The following RCOR1 variants were observed in gnomAD, a reference collection of about 807,000 sequenced individuals.
RCOR1 encodes REST corepressor 1.
A neutral mutation model predicts 64.0 loss-of-function variants in RCOR1; 12 were observed. That is an observed-to-expected ratio of 0.19 (90% CI 0.12 to 0.30). The LOEUF is 0.30. Among genes scored for constraint, RCOR1 ranks in the 10% least tolerant of loss-of-function variants. RCOR1 has a pLI of 1.00. For missense variants in RCOR1, 502 were observed against 621.2 expected, an observed-to-expected ratio of 0.81 and a Z score of 2.04; for synonymous variants, 279 against 227.2, an observed-to-expected ratio of 1.23 and a Z score of -2.05.
intron 2 of RCOR1, among the ~76,000 whole-genome samples, chr14:102,622,923 C>A (rs946340459): frequency 1.3e-5 from 2 of 152,132 alleles, no homozygotes; most frequent in Admixed American, 1.3e-4. Flanking sequence ...TGATGGAGTT[C>A]CCCTCTTTAA....
rs764026056 is a variant in RCOR1 at position 102,729,806 on chromosome 14, C to T, written c.*3300C>T. 1.1e-4 allele frequency: 43 copies of T among 398,892 alleles called. No homozygotes were observed. The highest frequency in any genetic ancestry group is 1.8e-4 in the Non-Finnish European group (41 of 226,070). 24.7% of individuals were successfully genotyped at this position (398,892 alleles called of 1,614,324 possible). On this transcript the variant is annotated 3_prime_UTR_variant, in exon 12 of 12. Coordinates refer to ENST00000262241, the MANE Select transcript of RCOR1 (RefSeq NM_015156.4). ...AACAGTGCATTACGCTAACTGGATC[C>T]CTGCTTTTATGTGAGCTAAGGAAAG...
intron 2 of RCOR1, among the ~76,000 whole-genome samples, chr14:102,681,674 C>T (rs1407846989): frequency 6.6e-6 from 1 of 152,174 alleles, no homozygotes; most frequent in Non-Finnish European, 1.5e-5. Context: ...AGCAGAGCAG[C>T]ATACTGTAAA....
At chr14:102,624,786 A>C (rs552256008) in intron 2 of RCOR1, among the ~76,000 whole-genome samples, 4 of 152,000 alleles carry the variant, frequency 2.6e-5, no homozygotes, top group African/African-American at 9.6e-5. Flanking sequence ...AAAAAAAAAA[A>C]GCATTACTTA....
In RCOR1 at chr14:102,593,310, C is replaced by A; in HGVS notation, c.346C>A (p.Pro116Thr). 1.3e-6 allele frequency: 2 copies of A among 1,547,412 alleles called. No homozygotes were observed. Among genetic ancestry groups the A allele is most frequent in the Middle Eastern group, 2.3e-4 (1 of 4,390 alleles). The change falls in exon 2 of 12, where the codon CCC (proline) becomes ACC (threonine). Residue 116 changes from proline to threonine, a missense_variant. Transcript: ENST00000262241. Reference protein sequence around the residue: ...RVGPQYQAVVPDFDPAKLARR... With the variant: ...RVGPQYQAVVTDFDPAKLARR... ...CGGACCCCAGTACCAGGCGGTGGTG[C>A]CCGACTTCGACCCCGGTGAGTAGCG...
chr14:102,623,688 G>A (rs1474750591), intron 2 of RCOR1, among the ~76,000 whole-genome samples: 2 of 151,698 alleles, frequency 1.3e-5, no homozygotes, highest in African/African-American at 4.8e-5. Context: ...GATTACAGGC[G>A]TGAGCCACAG....
chr14:102,722,459 G>C (rs781318980), intron 11 of RCOR1, 43 bp downstream of exon 11: 2 of 1,482,924 alleles, frequency 1.3e-6, no homozygotes, highest in African/African-American at 1.4e-5. Context: ...TCAGGTTCAC[G>C]CTTGATACTC....
chr14:102,712,323 T>C (rs142840472), intron 7 of RCOR1, among the ~76,000 whole-genome samples: 3,093 of 151,664 alleles, frequency 0.02, 47 homozygotes, highest in Middle Eastern at 0.032. Flanking sequence ...GCTGGGATTA[T>C]AGGCACATGC....
At chr14:102,712,822 A>G (rs1333460091) in intron 7 of RCOR1, among the ~76,000 whole-genome samples, 1 of 151,260 alleles carries the variant, frequency 6.6e-6, no homozygotes, top group Non-Finnish European at 1.5e-5. Flanking sequence ...CTTTGTGTTG[A>G]TGTATTGCTA....
intron 2 of RCOR1, among the ~76,000 whole-genome samples, chr14:102,658,270 G>A (rs1186799678): frequency 6.6e-6 from 1 of 152,016 alleles, no homozygotes; most frequent in Non-Finnish European, 1.5e-5. Flanking sequence ...CCACTGTGCT[G>A]GGCCTTCTTT....
At chr14:102,639,013 T>C (rs1197602295) in intron 2 of RCOR1, among the ~76,000 whole-genome samples, 2 of 152,302 alleles carry the variant, frequency 1.3e-5, no homozygotes, top group East Asian at 3.9e-4. Context: ...GGGATTTTTT[T>C]CCTAATTTGT....
At position 102,729,979 on chromosome 14, in the gene RCOR1, G is replaced by C; in HGVS notation, c.*3473G>C. 1 of 399,028 alleles carries C rather than the reference G, an allele frequency of 2.5e-6. No homozygotes were observed. Among genetic ancestry groups the C allele is most frequent in the Non-Finnish European group, 4.4e-6 (1 of 226,046 alleles). The allele number at this position is 399,028 out of a possible 1,614,324, so 24.7% of individuals were successfully genotyped here. On this transcript the variant is annotated 3_prime_UTR_variant, in exon 12 of 12. Coordinates refer to ENST00000262241, the MANE Select transcript of RCOR1 (RefSeq NM_015156.4). ...CAGGTCACCTAAACCTAGTGGTCCT[G>C]TGCGATGCTCTTTCTGCCAGTCCCT... is the stretch of plus-strand genomic sequence containing the variant.
chr14:102,710,195 C>T (rs537791525), intron 6 of RCOR1, among the ~76,000 whole-genome samples: 3 of 152,282 alleles, frequency 2.0e-5, no homozygotes, highest in South Asian at 2.1e-4. Flanking sequence ...GGCATGGTCC[C>T]GTGGGATGGA....
At chr14:102,696,559 T>C (rs780615564) in intron 3 of RCOR1, among the ~76,000 whole-genome samples, 12 of 152,186 alleles carry the variant, frequency 7.9e-5, no homozygotes, top group Non-Finnish European at 1.0e-4. Flanking sequence ...TTGAGCAGCG[T>C]GGACTTTGCT....
At chr14:102,694,237 C>A (rs1895598220) in intron 3 of RCOR1, among the ~76,000 whole-genome samples, 1 of 152,126 alleles carries the variant, frequency 6.6e-6, no homozygotes, top group South Asian at 2.1e-4. Flanking sequence ...TTTTAACAAA[C>A]TCCCACTAAG....
intron 4 of RCOR1, among the ~76,000 whole-genome samples, chr14:102,702,064 T>C (rs557238414): frequency 6.6e-6 from 1 of 152,360 alleles, no homozygotes; most frequent in Admixed American, 6.5e-5. Flanking sequence ...TCAGCTTTAA[T>C]GATTTATTTT....
At chr14:102,657,620 T>G (rs1221662268) in intron 2 of RCOR1, 1 of 751,332 alleles carries the variant, frequency 1.3e-6, no homozygotes, top group Non-Finnish European at 1.6e-6. Flanking sequence ...GGCAGATCAC[T>G]TGAGGTCAGG....
intron 8 of RCOR1, 120 bp downstream of exon 8, chr14:102,714,737 G>T: frequency 1.3e-6 from 1 of 744,206 alleles, no homozygotes; most frequent in Non-Finnish European, 2.1e-6. Flanking sequence ...TTGTTTCGAA[G>T]GAATTGGACA....
At chr14:102,623,169 G>A (rs1226885124) in intron 2 of RCOR1, among the ~76,000 whole-genome samples, 1 of 151,798 alleles carries the variant, frequency 6.6e-6, no homozygotes, top group Non-Finnish European at 1.5e-5. Context: ...TGTATTTATT[G>A]ATATATCTGT....
intron 2 of RCOR1, among the ~76,000 whole-genome samples, chr14:102,674,230 G>GA (rs1379958927): frequency 6.6e-6 from 1 of 152,150 alleles, no homozygotes; most frequent in Non-Finnish European, 1.5e-5. Flanking sequence ...CCACATTATG[G>GA]AGGGTAATCA....
Sources: allele counts gnomAD v4.1 joint callset (sites outside exome capture counted in the v4.1 genomes callset), GRCh38; gene constraint gnomAD v4.1.1; transcripts MANE v1.5; gene names NCBI Gene and HGNC (gene_info 2026-07-23, HGNC 2026-07-21).